SEMA6D: variants seen among roughly 807,000 people sequenced by gnomAD.
SEMA6D encodes semaphorin 6D, also known as semaphorin-6D.
In SEMA6D, 35 loss-of-function variants were observed where a neutral mutation model predicts 106.6. That is an observed-to-expected ratio of 0.33 (90% CI 0.25 to 0.44). The LOEUF (loss-of-function observed/expected upper bound fraction) is 0.44, where lower values mean the gene tolerates loss of function less well. Among genes scored for constraint, SEMA6D ranks in the 20% least tolerant of loss-of-function variants. The pLI is 1.00. For missense variants in SEMA6D, 1,185 were observed against 1,345.9 expected (o/e 0.88, Z 1.87); for synonymous variants, 499 against 487.7 (o/e 1.02, Z -0.31).
chr15:47,624,804 C>T (rs899248333), intron 4 of SEMA6D, among the ~76,000 whole-genome samples: 1 of 152,176 alleles, frequency 6.6e-6, no homozygotes, highest in Admixed American at 6.5e-5. Flanking sequence ...GGGAATTTTA[C>T]CTCCACCATG....
chr15:47,649,659 G>C (rs2117800), intron 4 of SEMA6D, among the ~76,000 whole-genome samples: 1 of 152,166 alleles, frequency 6.6e-6, no homozygotes, highest in Non-Finnish European at 1.5e-5. Flanking sequence ...TCTAGAAAGA[G>C]AGGGGAGGAG....
chr15:47,750,499 T>C (rs1210541219), intron 1 of SEMA6D, among the ~76,000 whole-genome samples: 1 of 152,160 alleles, frequency 6.6e-6, no homozygotes, highest in African/African-American at 2.4e-5. Flanking sequence ...CCAGTGTCGG[T>C]GGGAGAAGAA....
intron 1 of SEMA6D, among the ~76,000 whole-genome samples, chr15:47,391,193 C>T (rs576411472): frequency 5.9e-5 from 9 of 152,290 alleles, no homozygotes; most frequent in Non-Finnish European, 1.0e-4. Context: ...ACCAGTAACC[C>T]ACACAATCAG....
At chr15:47,581,675 CAG>C (rs970125197) in intron 3 of SEMA6D, among the ~76,000 whole-genome samples, 4 of 152,112 alleles carry the variant, frequency 2.6e-5, no homozygotes, top group African/African-American at 9.7e-5. Context: ...GAGCAAAGGA[CAG>C]GGGGTTGGGA....
At chr15:47,484,192 C>T (rs531575359) in intron 3 of SEMA6D, among the ~76,000 whole-genome samples, 3 of 152,272 alleles carry the variant, frequency 2.0e-5, no homozygotes, top group African/African-American at 7.2e-5. Flanking sequence ...CATACTGTGG[C>T]AGCAGGAAGG....
At chr15:47,399,819 G>T (rs1285906342) in intron 1 of SEMA6D, among the ~76,000 whole-genome samples, 1 of 152,210 alleles carries the variant, frequency 6.6e-6, no homozygotes, top group East Asian at 1.9e-4. Flanking sequence ...AATGTCGGAA[G>T]AAAAGACATG....
intron 4 of SEMA6D, among the ~76,000 whole-genome samples, chr15:47,712,097 T>A (rs1178184731): frequency 6.6e-6 from 1 of 152,232 alleles, no homozygotes; most frequent in Non-Finnish European, 1.5e-5. Context: ...GTTATATGAA[T>A]AATAGAATGT....
At chr15:47,275,866 G>C (rs1052547548) in intron 1 of SEMA6D, among the ~76,000 whole-genome samples, 2 of 152,126 alleles carry the variant, frequency 1.3e-5, no homozygotes, top group African/African-American at 4.8e-5. Context: ...AAGGCCTCTT[G>C]TACCAGTTAA....
intron 4 of SEMA6D, among the ~76,000 whole-genome samples, chr15:47,674,715 G>A (rs1456370112): frequency 2.6e-5 from 4 of 152,190 alleles, no homozygotes; most frequent in South Asian, 2.1e-4. Flanking sequence ...AGGGGAAAGG[G>A]CTGGCAGCTG....
rs139832544 is a variant in SEMA6D at position 47,285,745 on chromosome 15, A to G, written c.-239+101327A>G. ...TCCAGAAATGCCTTGACTCACTTGTAGAAGTCCTTCAAGCATCCCTAAGTT... is the reference window on the plus strand; with the variant it reads ...TCCAGAAATGCCTTGACTCACTTGTGGAAGTCCTTCAAGCATCCCTAAGTT... On this transcript the variant is annotated intron_variant, in intron 1 of 19. Coordinates refer to the SEMA6D transcript ENST00000558014. Among the ~76,000 whole-genome samples, 41 of 152,336 alleles carry G rather than the reference A, an allele frequency of 2.7e-4. 1 individual carries two copies. The East Asian group carries it at 7.7e-3, about 29-fold the overall frequency.
At chr15:47,602,660 A>T (rs1030977689) in intron 4 of SEMA6D, among the ~76,000 whole-genome samples, 1 of 152,038 alleles carries the variant, frequency 6.6e-6, no homozygotes, top group African/African-American at 2.4e-5. Context: ...ACAACATCCT[A>T]ATGCTCTACT....
chr15:47,379,734 G>A (rs1418754982), intron 1 of SEMA6D, among the ~76,000 whole-genome samples: 1 of 152,118 alleles, frequency 6.6e-6, no homozygotes, highest in Non-Finnish European at 1.5e-5. Flanking sequence ...CAGAAAATAA[G>A]ATTTTATTTT....
chr15:47,473,414 A>C (rs1385940121), intron 3 of SEMA6D, among the ~76,000 whole-genome samples: 1 of 152,120 alleles, frequency 6.6e-6, no homozygotes, highest in Non-Finnish European at 1.5e-5. Flanking sequence ...AAGAGACACC[A>C]AGGCCAACTT....
intron 1 of SEMA6D, among the ~76,000 whole-genome samples, chr15:47,387,953 G>C (rs931707068): frequency 3.4e-4 from 51 of 152,158 alleles, no homozygotes; most frequent in Admixed American, 2.4e-3. Context: ...CTAATACTCA[G>C]AATAGTGGTA....
At chr15:47,466,956 T>C (rs1178921640) in intron 2 of SEMA6D, among the ~76,000 whole-genome samples, 2 of 151,262 alleles carry the variant, frequency 1.3e-5, no homozygotes, top group Non-Finnish European at 2.9e-5. Context: ...CTCAAACTCC[T>C]GACCTCAAAT....
chr15:47,564,711 G>A (rs1294408570), intron 3 of SEMA6D, among the ~76,000 whole-genome samples: 1 of 152,130 alleles, frequency 6.6e-6, no homozygotes, highest in Non-Finnish European at 1.5e-5. Flanking sequence ...TGAAAAGCCT[G>A]AGACCATGGC....
chr15:47,602,735 T>G (rs554514011), intron 4 of SEMA6D, among the ~76,000 whole-genome samples: 4 of 152,114 alleles, frequency 2.6e-5, no homozygotes, highest in Non-Finnish European at 4.4e-5. Context: ...AGACCTTTCA[T>G]CTTGTTCCAG....
At chr15:47,519,001 G>A (rs377244451) in intron 3 of SEMA6D, among the ~76,000 whole-genome samples, 1 of 152,054 alleles carries the variant, frequency 6.6e-6, no homozygotes, top group African/African-American at 2.4e-5. Context: ...GAGGCAGGTG[G>A]ATCACTTGAG....
chr15:47,634,926 C>CA (rs2077358609), intron 4 of SEMA6D, among the ~76,000 whole-genome samples: 1 of 152,098 alleles, frequency 6.6e-6, no homozygotes, highest in Non-Finnish European at 1.5e-5. Context: ...AAGGTACTGC[C>CA]AAAAAAGGTT....
Sources: allele counts gnomAD v4.1 joint callset (sites outside exome capture counted in the v4.1 genomes callset), GRCh38; gene constraint gnomAD v4.1.1; transcripts MANE v1.5; gene names NCBI Gene and HGNC (gene_info 2026-07-23, HGNC 2026-07-21).